Variants in TIAL1 observed in about 807,000 individuals in gnomAD.
TIAL1 encodes TIA1 cytotoxic granule associated RNA binding protein like 1.
A neutral mutation model predicts 59.7 loss-of-function variants in TIAL1; 7 were observed. That is an observed-to-expected ratio of 0.12 (90% CI 0.07 to 0.22). TIAL1 has a LOEUF of 0.22. TIAL1 is among the 10% of genes least tolerant of loss of function. The pLI, the probability that TIAL1 is intolerant of heterozygous loss-of-function variation, is 1.00. For missense variants in TIAL1, 225 were observed against 462.5 expected (o/e 0.49, Z 4.71); for synonymous variants, 149 against 146.3 (o/e 1.02, Z -0.13).
chr10:119,587,621 A>T (rs1278532302), intron 2 of TIAL1, among the ~76,000 whole-genome samples: 2 of 152,064 alleles, frequency 1.3e-5, no homozygotes, highest in Non-Finnish European at 2.9e-5. Context: ...GTACATAGGA[A>T]ATAGTCCAAA....
At chr10:119,588,676 C>A (rs192271360) in intron 1 of TIAL1, among the ~76,000 whole-genome samples, 34 of 152,208 alleles carry the variant, frequency 2.2e-4, no homozygotes, top group African/African-American at 8.2e-4. Context: ...CCTCTGTTTT[C>A]AACAAAATTT....
chr10:119,584,374 C>T (rs1261009089), intron 2 of TIAL1, among the ~76,000 whole-genome samples: 1 of 151,070 alleles, frequency 6.6e-6, no homozygotes, highest in Non-Finnish European at 1.5e-5. Context: ...ATGATAACAA[C>T]ATCTAAAGTA....
At position 119,596,888 on chromosome 10, in the gene TIAL1, G is replaced by C. The variant is rs867659956; in HGVS notation, c.-423C>G. The C allele has an allele frequency of 4.7e-5, 9 of 190,028 alleles. 1 individual carries two copies. In the South Asian group the frequency reaches 8.7e-4, roughly 18 times the overall value. 11.8% of individuals were successfully genotyped at this position (190,028 alleles called of 1,614,324 possible). A position where few individuals can be genotyped will look rare whatever the true frequency, so the allele number is the denominator to read the frequency against. On this transcript the variant is annotated 5_prime_UTR_variant, in exon 1 of 12. Transcript: ENST00000436547. ...GCCCAGCCAGCTCCGGGAGAGATCG[G>C]GCAAAAAGAGAAACGTCGTGAAGCC...
chr10:119,579,749 CTATT>C (rs1339596095), intron 6 of TIAL1, among the ~76,000 whole-genome samples, 182 bp downstream of exon 6: 6 of 152,024 alleles, frequency 3.9e-5, no homozygotes, highest in Non-Finnish European at 4.4e-5. Flanking sequence ...CTTTTTCTAG[CTATT>C]TATTTTCGAG....
At chr10:119,584,858 G>A (rs576353402) in intron 2 of TIAL1, among the ~76,000 whole-genome samples, 8 of 151,946 alleles carry the variant, frequency 5.3e-5, no homozygotes, top group Admixed American at 3.9e-4. Flanking sequence ...TGTAACCCAA[G>A]CACTTTGGGA....
chr10:119,588,115 T>C (rs751920929), intron 2 of TIAL1, 37 bp downstream of exon 2: 3 of 1,259,926 alleles, frequency 2.4e-6, no homozygotes, highest in Non-Finnish European at 1.1e-6. Context: ...CAACCCATCA[T>C]GCTAATTGTC....
In TIAL1 at chr10:119,576,862, ACT is replaced by A. The variant is rs564434685; in HGVS notation, c.862-114_862-113del. On this transcript the variant is annotated intron_variant, in intron 10 of 11. Transcript: ENST00000436547. ...AAGTAAGCACCCTTATGTGAATAGGACTCTGTTATTTATCATTGTCTAAGTTT... is the reference window on the plus strand; with the variant it reads ...AAGTAAGCACCCTTATGTGAATAGGACTGTTATTTATCATTGTCTAAGTTT... 6.3e-4 allele frequency: 901 copies of A among 1,434,746 alleles called. 7 individuals carry two copies. The highest frequency in any genetic ancestry group is 2.1e-4 in the Non-Finnish European group (224 of 1,058,922). The allele number at this position is 1,434,746 out of a possible 1,614,324, so 88.9% of individuals were successfully genotyped here.
chr10:119,588,102 A>T, intron 2 of TIAL1, 50 bp downstream of exon 2: 1 of 1,117,980 alleles, frequency 8.9e-7, no homozygotes, highest in South Asian at 1.9e-5. Context: ...AAATCATGCT[A>T]ATCAACCCAT....
At chr10:119,583,303 T>C (rs575800246) in intron 2 of TIAL1, among the ~76,000 whole-genome samples, 1 of 152,262 alleles carries the variant, frequency 6.6e-6, no homozygotes, top group Admixed American at 6.5e-5. Context: ...AAGACAAAGC[T>C]ATAAGTTTAC....
chr10:119,583,809 C>T (rs1845408472), intron 2 of TIAL1, among the ~76,000 whole-genome samples: 1 of 152,114 alleles, frequency 6.6e-6, no homozygotes, highest in African/African-American at 2.4e-5. Context: ...CATACAAAAT[C>T]CTACTGTTGT....
At chr10:119,595,588 A>C (rs1210965150) in intron 1 of TIAL1, among the ~76,000 whole-genome samples, 2 of 152,184 alleles carry the variant, frequency 1.3e-5, no homozygotes, top group African/African-American at 4.8e-5. Context: ...GCTTCAGGTA[A>C]AAAGCAACAG....
At chr10:119,594,620 G>A (rs1264215642) in intron 1 of TIAL1, among the ~76,000 whole-genome samples, 2 of 152,058 alleles carry the variant, frequency 1.3e-5, no homozygotes, top group African/African-American at 4.8e-5. Context: ...GATGTTGAAG[G>A]ATAAAATTTT....
chr10:119,589,329 C>T (rs1845733233), intron 1 of TIAL1, among the ~76,000 whole-genome samples: 2 of 152,128 alleles, frequency 1.3e-5, no homozygotes, highest in Admixed American at 1.3e-4. Flanking sequence ...CCTCAGCCTC[C>T]CAGGTAGCTG....
At position 119,588,232 on chromosome 10, in the gene TIAL1, A is replaced by G. The variant is rs986099397; in HGVS notation, c.49T>C (p.Ser17Pro). 1 of 1,586,866 alleles carries G rather than the reference A, an allele frequency of 6.3e-7. No homozygotes were observed. Among genetic ancestry groups the G allele is most frequent in the Non-Finnish European group, 8.6e-7 (1 of 1,164,364 alleles). Residue 17 changes from serine to proline, a missense_variant, in exon 2 of 12, where the codon TCC becomes CCC. Ser to Pro is a moderately conservative substitution (Grantham distance 74, BLOSUM62 -1). Coordinates refer to ENST00000436547, the MANE Select transcript of TIAL1 (RefSeq NM_003252.4). Reference protein sequence around the residue: ...QPRTLYVGNLSRDVTEVLILQ... With the variant: ...QPRTLYVGNLPRDVTEVLILQ... ...ATAAGGACTTCTGTCACATCTCTGGAAAGGTTACCTACGTATCTGCACAAG... is the reference window on the plus strand; with the variant it reads ...ATAAGGACTTCTGTCACATCTCTGGGAAGGTTACCTACGTATCTGCACAAG...
At chr10:119,584,673 C>T (rs1845460673) in intron 2 of TIAL1, among the ~76,000 whole-genome samples, 1 of 151,958 alleles carries the variant, frequency 6.6e-6, no homozygotes, top group Non-Finnish European at 1.5e-5. Flanking sequence ...ACCAAAAATA[C>T]AAAAAATTAG....
intron 1 of TIAL1, among the ~76,000 whole-genome samples, chr10:119,592,931 T>C (rs1415193022): frequency 6.6e-6 from 1 of 152,214 alleles, no homozygotes; most frequent in Non-Finnish European, 1.5e-5. Flanking sequence ...TTCTTCTGCT[T>C]TGTTCTTAGA....
chr10:119,592,912 T>C (rs567222344), intron 1 of TIAL1, among the ~76,000 whole-genome samples: 4 of 152,340 alleles, frequency 2.6e-5, no homozygotes, highest in African/African-American at 9.6e-5. Flanking sequence ...TGTAATAGTT[T>C]ATAGAATTTT....
chr10:119,596,743 G>A lies in TIAL1; in HGVS notation c.-278C>T. The A allele has an allele frequency of 3.8e-6, 2 of 532,984 alleles. No individual in the cohort carries two copies. The highest frequency in any genetic ancestry group is 6.7e-6 in the Non-Finnish European group (2 of 297,464). The allele number at this position is 532,984 out of a possible 1,614,324, so 33.0% of individuals were successfully genotyped here. On this transcript the variant is annotated 5_prime_UTR_variant, in exon 1 of 12. Transcript: ENST00000436547. ...CGCGACCCGCCAGGTCACCGCTCAG[G>A]CCAGCCGCGACAGCCTGCAAGGGGG... is the stretch of plus-strand genomic sequence containing the variant.
intron 7 of TIAL1, among the ~76,000 whole-genome samples, 155 bp from the exon 8 acceptor site, chr10:119,577,891 A>G (rs1845088425): frequency 6.6e-6 from 1 of 152,118 alleles, no homozygotes; most frequent in Non-Finnish European, 1.5e-5. Flanking sequence ...GGAGTTCGAG[A>G]CCAGCCTGGC....
Sources: allele counts gnomAD v4.1 joint callset (sites outside exome capture counted in the v4.1 genomes callset), GRCh38; gene constraint gnomAD v4.1.1; transcripts MANE v1.5; gene names NCBI Gene and HGNC (gene_info 2026-07-23, HGNC 2026-07-21).